Variants in HSPG2 observed in about 807,000 individuals in gnomAD.
HSPG2 encodes the protein basement membrane-specific heparan sulfate proteoglycan core protein.
HSPG2 carries 278 observed loss-of-function variants against 526.6 expected under a neutral mutation model. The observed-to-expected ratio is 0.53, with a 90% CI of 0.48 to 0.58. HSPG2 has a LOEUF of 0.58. HSPG2 is among the 20% of genes least tolerant of loss of function. HSPG2 has a pLI of 0.00. For synonymous variants in HSPG2, 2,465 were observed against 2,555.4 expected (o/e 0.96, Z 1.07); for missense variants, 5,354 against 6,099.5 (o/e 0.88, Z 4.07).
Position 21,839,018 on chromosome 1 carries a change from C to G in HSPG2, c.9957G>C (p.Gln3319His). 1 of 1,607,754 alleles carries G rather than the reference C, an allele frequency of 6.2e-7. No homozygotes were observed. The highest frequency in any genetic ancestry group is 8.5e-7 in the Non-Finnish European group (1 of 1,175,058). ...GTGGGGGTGTCCCGTGAGCCAGGCACTGGAGCTGCACCGTCTCCCCTGCCT... is the reference window on the plus strand; with the variant it reads ...GTGGGGGTGTCCCGTGAGCCAGGCAGTGGAGCTGCACCGTCTCCCCTGCCT... ...SVQAGETVQL[Q>H]CLAHGTPPLT... Residue 3319 changes from glutamine to histidine, a missense_variant, in exon 74 of 97, where the codon CAG becomes CAC. Gln to His is a conservative substitution (Grantham distance 24). Transcript: ENST00000374695. The surrounding 1 kb of genome is among the most constrained non-coding windows in gnomAD (Gnocchi z 4.5).
Position 21,843,190 on chromosome 1 carries a change from G to A in HSPG2, c.8758+107C>T, listed in dbSNP as rs74060196. ...TTGATCCTCCGTGGTAGGAAACCCC[G>A]CCTGCAGGCAACAATAAGTGCCCGG... is the stretch of plus-strand genomic sequence containing the variant. On this transcript the variant is annotated intron_variant, in intron 66 of 96. Transcript: ENST00000374695. 41,191 of 1,511,636 alleles carry A rather than the reference G, an allele frequency of 0.027. 1,350 individuals are homozygous for A. Among genetic ancestry groups the A allele is most frequent in the African/African-American group, 0.16 (11,814 of 72,812 alleles). The allele number at this position is 1,511,636 out of a possible 1,614,324, so 93.6% of individuals were successfully genotyped here.
chr1:21,896,674 G>A (rs1642769912), intron 1 of HSPG2, among the ~76,000 whole-genome samples: 1 of 152,114 alleles, frequency 6.6e-6, no homozygotes, highest in South Asian at 2.1e-4. Flanking sequence ...TAAAGGGGTG[G>A]CCTCGGGCAG....
At chr1:21,840,133 T>C in intron 71 of HSPG2, 116 bp from the exon 72 acceptor site, 1 of 799,338 alleles carries the variant, frequency 1.3e-6, no homozygotes, top group South Asian at 1.4e-5. Flanking sequence ...TCTATTTATT[T>C]ACTTATTTAT....
At chr1:21,915,203 C>CA (rs11281165) in intron 1 of HSPG2, among the ~76,000 whole-genome samples, 4 of 152,148 alleles carry the variant, frequency 2.6e-5, no homozygotes, top group African/African-American at 9.7e-5. Context: ...GCAGGGTGCC[C>CA]CCGTCACAAC....
intron 1 of HSPG2, among the ~76,000 whole-genome samples, chr1:21,907,134 T>A (rs1045495946): frequency 6.6e-6 from 1 of 151,812 alleles, no homozygotes; most frequent in African/African-American, 2.4e-5. Context: ...CTGTCGGAGG[T>A]GAAAGAGAAG....
chr1:21,866,349 C>T (rs1365961302), intron 33 of HSPG2, among the ~76,000 whole-genome samples: 1 of 152,142 alleles, frequency 6.6e-6, no homozygotes, highest in Non-Finnish European at 1.5e-5. Flanking sequence ...GTCTGAGGGC[C>T]CTGATCCCCT....
At chr1:21,833,693 C>T (rs1275494391) in intron 78 of HSPG2, 79 bp from the exon 79 acceptor site, 22 of 1,594,464 alleles carry the variant, frequency 1.4e-5, no homozygotes, top group Non-Finnish European at 1.8e-5. Context: ...GCCTCAGGCC[C>T]ACCTTCCAAC....
intron 52 of HSPG2, among the ~76,000 whole-genome samples, chr1:21,852,448 G>C (rs1184948069): frequency 2.0e-5 from 3 of 152,262 alleles, no homozygotes; most frequent in Admixed American, 2.0e-4. Flanking sequence ...GGAAGTGAGA[G>C]AGATGAGGGC....
chr1:21,906,788 T>C (rs1557818076), intron 1 of HSPG2, among the ~76,000 whole-genome samples: 1 of 152,032 alleles, frequency 6.6e-6, no homozygotes, highest in Non-Finnish European at 1.5e-5. Flanking sequence ...CTTGGAACCT[T>C]TTATGTATGC....
chr1:21,823,842 CTCTT>C (rs2097959578), intron 95 of HSPG2, 123 bp from the exon 96 acceptor site: 6 of 815,370 alleles, frequency 7.4e-6, no homozygotes, highest in Admixed American at 4.0e-5. Context: ...GTTTCCCAAG[CTCTT>C]TCTTTCCCCC....
chr1:21,895,969 A>G lies in HSPG2; in HGVS notation c.200-3T>C, dbSNP rs761462174. ...CAGGTCCCCACTGCCCAGGTCGTCT[A>G]TAAGCAAAAAAGAGATGTAATCAGC... On this transcript the variant is annotated splice_polypyrimidine_tract_variant and splice_region_variant and intron_variant, in intron 2 of 96. Transcript: ENST00000374695. The surrounding 1 kb of genome is among the most constrained non-coding windows in gnomAD (Gnocchi z 4.1). The G allele has an allele frequency of 6.2e-7, 1 of 1,614,084 alleles. No homozygotes were observed. Among genetic ancestry groups the G allele is most frequent in the Admixed American group, 1.7e-5 (1 of 60,022 alleles).
rs149276709 is a variant in HSPG2, at chr1:21,839,401, C to T, written c.9859G>A (p.Ala3287Thr). Residue 3287 changes from alanine to threonine, a missense_variant, in exon 73 of 97, where the codon GCT (alanine) becomes ACT (threonine). By Grantham distance (58) the Ala-to-Thr change is moderately conservative. Coordinates refer to ENST00000374695, the MANE Select transcript of HSPG2 (RefSeq NM_005529.7). This position sits in a 1 kb window ranked among gnomAD's most constrained non-coding sequence, Gnocchi z 4.5. ...ICNATSPAGH[A>T]EATIILHVES... is the part of the protein sequence containing the mutation. The stretch of plus-strand genomic sequence containing the variant: ...ACGTGCAGGATGATGGTGGCCTCAG[C>T]GTGCCCAGCAGGGCTAGTGGCATTG... The T allele has an allele frequency of 4.0e-5, 64 of 1,613,478 alleles. No homozygotes were observed. Among genetic ancestry groups the T allele is most frequent in the Middle Eastern group, 1.6e-4 (1 of 6,084 alleles).
Position 21,831,643 on chromosome 1 carries a change from G to A in HSPG2, c.11352+9C>T, listed in dbSNP as rs1240194765. On this transcript the variant is annotated intron_variant, in intron 82 of 96. Coordinates refer to ENST00000374695, the MANE Select transcript of HSPG2 (RefSeq NM_005529.7). ...GGGCTGGAAGTAGCAGTATGGGGTTGGGTCTCACCTGGGAGGTCCCATTGA... is the reference window on the plus strand; with the variant it reads ...GGGCTGGAAGTAGCAGTATGGGGTTAGGTCTCACCTGGGAGGTCCCATTGA... 1 of 1,609,878 alleles carries A rather than the reference G, an allele frequency of 6.2e-7. No individual in the cohort carries two copies. The highest frequency in any genetic ancestry group is 2.2e-5 in the East Asian group (1 of 44,766).
rs1641963530 is a variant in HSPG2, at chr1:21,887,183, AG to A, written c.1078+31del. The A allele has an allele frequency of 1.9e-6, 3 of 1,595,446 alleles. No individual in the cohort carries two copies. The highest frequency in any genetic ancestry group is 1.7e-6 in the Non-Finnish European group (2 of 1,172,374). On this transcript the variant is annotated intron_variant, in intron 9 of 96. Transcript: ENST00000374695. The surrounding 1 kb of genome is among the most constrained non-coding windows in gnomAD (Gnocchi z 5.0). ...AGGAGCAAGCGGCCTGGGCAGGGCA[AG>A]GGGGCCTCAGCTGGACCCTCGGATA...
At chr1:21,853,845 T>C (rs184211252) in intron 50 of HSPG2, 1 of 347,138 alleles carries the variant, frequency 2.9e-6, no homozygotes, top group Non-Finnish European at 5.5e-6. Context: ...ACTGCTCCAT[T>C]TCATAGATGA....
intron 57 of HSPG2, among the ~76,000 whole-genome samples, chr1:21,849,703 G>A (rs1480796952): frequency 2.6e-5 from 4 of 151,254 alleles, no homozygotes; most frequent in African/African-American, 7.3e-5. Context: ...TTTTTGAGAC[G>A]GAGTCTTGCT....
intron 33 of HSPG2, chr1:21,869,586 A>C (rs1190885472): frequency 1.0e-6 from 1 of 985,754 alleles, no homozygotes. Flanking sequence ...GCCCCTGGGG[A>C]GGGGGTTGGG....
At position 21,875,841 on chromosome 1, in the gene HSPG2, C is replaced by T. The variant is rs751444303; in HGVS notation, c.3183+22G>A. ...GCAAGGGCCTGCCCGCACCCCTACC[C>T]CCAGGGGACAGTATTGCTCACCTCC... On this transcript the variant is annotated intron_variant, in intron 24 of 96. Coordinates refer to ENST00000374695, the MANE Select transcript of HSPG2 (RefSeq NM_005529.7). 8 of 1,613,302 alleles carry T rather than the reference C, an allele frequency of 5.0e-6. No homozygotes were observed. The South Asian group carries it at 6.6e-5, about 13-fold the overall frequency.
Position 21,849,035 on chromosome 1 carries a change from G to A in HSPG2, c.7447-4C>T. The stretch of plus-strand genomic sequence containing the variant: ...GGCGTAGCCTCGAGCCATGCACCTG[G>A]GAGGGTCAGGAGGGAGGAGGCAGGC... On this transcript the variant is annotated splice_region_variant and splice_polypyrimidine_tract_variant and intron_variant, in intron 57 of 96. Transcript: ENST00000374695. The A allele has an allele frequency of 1.2e-6, 2 of 1,613,250 alleles. No individual in the cohort carries two copies. Among genetic ancestry groups the A allele is most frequent in the Non-Finnish European group, 1.7e-6 (2 of 1,179,634 alleles).
Sources: allele counts gnomAD v4.1 joint callset (sites outside exome capture counted in the v4.1 genomes callset), GRCh38; gene constraint gnomAD v4.1.1; non-coding constraint Gnocchi (gnomAD v3.1); transcripts MANE v1.5; gene names NCBI Gene and HGNC (gene_info 2026-07-23, HGNC 2026-07-21).